Variants in SBF1 observed in about 807,000 individuals in gnomAD.
SBF1 encodes the protein myotubularin-related protein 5.
SBF1 carries 65 observed loss-of-function variants against 215.8 expected under a neutral mutation model. The observed-to-expected ratio is 0.30, with a 90% CI of 0.25 to 0.37. The LOEUF is 0.37. SBF1 is among the 10% of genes least tolerant of loss of function. The probability of loss-of-function intolerance (pLI) is 1.00; values close to 1 mark genes in which losing one functional copy is unlikely to be tolerated. For synonymous variants in SBF1, 1,410 were observed against 1,122.8 expected (o/e 1.26, Z -5.11); for missense variants, 2,634 against 2,667.8 (o/e 0.99, Z 0.28).
At chr22:50,473,933 G>A (rs953720847) in intron 1 of SBF1, among the ~76,000 whole-genome samples, 1 of 152,238 alleles carries the variant, frequency 6.6e-6, no homozygotes. Context: ...GGGCTGCTGG[G>A]AGGAAGAGGT....
chr22:50,460,046 G>C lies in SBF1; in HGVS notation c.3397C>G (p.Leu1133Val), dbSNP rs753172401. Residue 1133 changes from leucine to valine, a missense_variant, in exon 26 of 41, where the codon CTC becomes GTC. Coordinates refer to ENST00000380817, the MANE Select transcript of SBF1 (RefSeq NM_002972.4). ...CTGCTGCTCAGGGTGCCCAGACCGAGGCGCTGGTAGTCGCGACAGCAAGCC... is the reference window on the plus strand; with the variant it reads ...CTGCTGCTCAGGGTGCCCAGACCGACGCGCTGGTAGTCGCGACAGCAAGCC... Reference protein sequence around the residue: ...ERACCRDYQRLGLGTLSSSLS... With the variant: ...ERACCRDYQRVGLGTLSSSLS... 1 of 1,613,890 alleles carries C rather than the reference G, an allele frequency of 6.2e-7. No homozygotes were observed. The highest frequency in any genetic ancestry group is 2.2e-5 in the East Asian group (1 of 44,890).
Position 50,465,017 on chromosome 22 carries a change from G to A in SBF1, c.1316C>T (p.Thr439Met), listed in dbSNP as rs536887912. The A allele has an allele frequency of 5.0e-5, 81 of 1,613,986 alleles. No homozygotes were observed. The African/African-American group carries it at 6.4e-4, about 13-fold the overall frequency. ...VSERGVPYRP[T>M]DLFDELVAHE... is the part of the protein sequence containing the mutation. ...GAGGTGCACCTCATCGAACAGGTCC[G>A]TAGGGCGGTATGGGACCCCACGCTC... is the stretch of plus-strand genomic sequence containing the variant. Residue 439 changes from threonine to methionine, a missense_variant, in exon 12 of 41, where the codon ACG becomes ATG. By Grantham distance (81) the Thr-to-Met change is moderately conservative. Coordinates refer to ENST00000380817, the MANE Select transcript of SBF1 (RefSeq NM_002972.4).
Position 50,447,165 on chromosome 22 carries a change from G to C in SBF1, c.5659C>G (p.Gln1887Glu), listed in dbSNP as rs750259194. 1 of 1,612,962 alleles carries C rather than the reference G, an allele frequency of 6.2e-7. No individual in the cohort carries two copies. Among genetic ancestry groups the C allele is most frequent in the South Asian group, 1.1e-5 (1 of 91,044 alleles). Residue 1887 changes from glutamine (Q) to glutamate (E), a missense_variant, in exon 41 of 41, where the codon CAG becomes GAG. Physicochemically the swap from Gln to Glu is conservative, Grantham distance 29. Coordinates refer to ENST00000380817, the MANE Select transcript of SBF1 (RefSeq NM_002972.4). ...GCTCAGGCGTCCGACAGGCAGCTCT[G>C]GATCCGGTCCACCCACTGCTGGGCC... ...PSAQQWVDRI[Q>E]SCLSDA
In SBF1 at chr22:50,465,842, T is replaced by C; in HGVS notation, c.1012-2A>G. ...CAACTCCAGCTCCGGGTCCAGGACCTGCCAGCACAGAATGGAGCAGGCAGC... is the reference window on the plus strand; with the variant it reads ...CAACTCCAGCTCCGGGTCCAGGACCCGCCAGCACAGAATGGAGCAGGCAGC... On this transcript the variant is annotated splice_acceptor_variant, in intron 9 of 40. Coordinates refer to ENST00000380817, the MANE Select transcript of SBF1 (RefSeq NM_002972.4). LOFTEE classifies it high-confidence loss of function. 6.2e-7 allele frequency: 1 copy of C among 1,613,180 alleles called. No individual in the cohort carries two copies. Among genetic ancestry groups the C allele is most frequent in the Non-Finnish European group, 8.5e-7 (1 of 1,179,788 alleles).
Position 50,466,078 on chromosome 22 carries a change from C to G in SBF1, c.898-4G>C. 1.2e-6 allele frequency: 2 copies of G among 1,613,492 alleles called. No individual in the cohort carries two copies. The highest frequency in any genetic ancestry group is 1.7e-6 in the Non-Finnish European group (2 of 1,179,938). ...GATCAGCAACAATCACATCGAGCTG[C>G]GGACCAAGGGAGCCGGCAGTCAGGG... On this transcript the variant is annotated splice_polypyrimidine_tract_variant and splice_region_variant and intron_variant, in intron 8 of 40. Transcript: ENST00000380817.
chr22:50,459,505 A>G lies in SBF1; in HGVS notation c.3653T>C (p.Val1218Ala). 6.2e-7 allele frequency: 1 copy of G among 1,610,188 alleles called. No individual in the cohort carries two copies. The highest frequency in any genetic ancestry group is 1.3e-5 in the African/African-American group (1 of 75,030). Residue 1218 changes from valine (V) to alanine (A), a missense_variant, in exon 27 of 41, where the codon GTC becomes GCC. Coordinates refer to ENST00000380817, the MANE Select transcript of SBF1 (RefSeq NM_002972.4). ...RSGGLHGKGV[V>A]GLFKAQNAPS... ...TGCGTTCTGGGCCTTGAAGAGGCCG[A>G]CGACACCTTTGCCATGCAGGCCTCC...
rs538648060 is a variant in SBF1 at position 50,471,412 on chromosome 22, G to A, written c.56-2951C>T. 2.1e-3 allele frequency among the ~76,000 whole-genome samples: 324 copies of A among 152,298 alleles called. 2 individuals are homozygous for A. The highest frequency in any genetic ancestry group is 7.6e-3 in the African/African-American group (316 of 41,560). On this transcript the variant is annotated intron_variant, in intron 1 of 40. Transcript: ENST00000380817. ...CCCATCATCAGTGCCAGGCTCTGAC[G>A]CCTGGAGGGCTGGCCCAGGCCAGCG...
intron 28 of SBF1, among the ~76,000 whole-genome samples, chr22:50,457,741 G>A (rs2148577888): frequency 6.6e-6 from 1 of 152,362 alleles, no homozygotes; most frequent in South Asian, 2.1e-4. Flanking sequence ...GCAGCCCAAA[G>A]GGCTGGGAGA....
rs549633511 is a variant in SBF1 at position 50,447,106 on chromosome 22, G to C, written c.*36C>G. On this transcript the variant is annotated 3_prime_UTR_variant, in exon 41 of 41. Transcript: ENST00000380817. ...CTGCCCACCCCTAGTGGTCGGTAAC[G>C]ACCGGAAGCAGAGCAGCCGGGCAGG... The C allele has an allele frequency of 5.7e-6, 9 of 1,578,334 alleles. No individual in the cohort carries two copies. The East Asian group carries it at 2.1e-4, about 36-fold the overall frequency.
At chr22:50,452,365 G>A (rs945669015) in intron 36 of SBF1, among the ~76,000 whole-genome samples, 2 of 152,094 alleles carry the variant, frequency 1.3e-5, no homozygotes, top group Admixed American at 6.6e-5. Flanking sequence ...GTTATAAATG[G>A]CAAAAATAGA....
At chr22:50,470,506 C>A (rs560929414) in intron 1 of SBF1, among the ~76,000 whole-genome samples, 9 of 152,284 alleles carry the variant, frequency 5.9e-5, no homozygotes, top group Non-Finnish European at 1.2e-4. Context: ...GTGGGCCAGG[C>A]CAAGCAGGCA....
intron 36 of SBF1, among the ~76,000 whole-genome samples, chr22:50,451,307 T>C: frequency 6.6e-6 from 1 of 151,956 alleles, no homozygotes; most frequent in Non-Finnish European, 1.5e-5. Context: ...ACTGTGCCAC[T>C]GCACTCCAGC....
chr22:50,461,491 G>A (rs766075458), intron 22 of SBF1, 32 bp downstream of exon 22: 1 of 1,562,568 alleles, frequency 6.4e-7, no homozygotes, highest in East Asian at 2.3e-5. Flanking sequence ...GGGGGAGAGG[G>A]GGCGACAGGG....
At chr22:50,450,234 C>G (rs2066994380) in intron 36 of SBF1, among the ~76,000 whole-genome samples, 1 of 152,166 alleles carries the variant, frequency 6.6e-6, no homozygotes, top group Admixed American at 6.5e-5. Flanking sequence ...GAAGCTATGA[C>G]CTGACGCCGG....
rs1159857139 is a variant in SBF1 at position 50,456,585 on chromosome 22, G to A, written c.3993C>T (p.Ala1331=). 1.3e-6 allele frequency: 2 copies of A among 1,553,868 alleles called. No homozygotes were observed. Among genetic ancestry groups the A allele is most frequent in the Non-Finnish European group, 1.7e-6 (2 of 1,152,012 alleles). ...GAGGGCCCCCGTTGGCCTGGGGTGG[G>A]GCCAGCGCGTCTCTGCCAGCTAGCC... ...GSRLAGRDAL[A]PPQANGGPPD... The change falls in exon 30 of 41, where the codon GCC becomes GCT. Residue 1331 remains alanine (A), a synonymous_variant. Coordinates refer to ENST00000380817, the MANE Select transcript of SBF1 (RefSeq NM_002972.4).
chr22:50,447,350 T>C lies in SBF1; in HGVS notation c.5555A>G (p.Lys1852Arg), dbSNP rs778343854. The C allele has an allele frequency of 2.3e-5, 37 of 1,613,914 alleles. No homozygotes were observed. Among genetic ancestry groups the C allele is most frequent in the Non-Finnish European group, 1.5e-5 (18 of 1,179,974 alleles). The change falls in exon 40 of 41, where the codon AAG becomes AGG. Residue 1852 changes from lysine to arginine, a missense_variant. By Grantham distance (26) the Lys-to-Arg change is conservative. Coordinates refer to ENST00000380817, the MANE Select transcript of SBF1 (RefSeq NM_002972.4). ...APGTPTMGAP[K>R]TVDEKAFFDV... ...AAAGAAGGCCTTCTCGTCCACAGTCTTAGGGGCACCCATAGTGGGCGTGCC... is the reference window on the plus strand; with the variant it reads ...AAAGAAGGCCTTCTCGTCCACAGTCCTAGGGGCACCCATAGTGGGCGTGCC...
intron 1 of SBF1, among the ~76,000 whole-genome samples, chr22:50,473,253 G>A (rs968284902): frequency 3.9e-5 from 6 of 152,016 alleles, no homozygotes; most frequent in Admixed American, 3.3e-4. Flanking sequence ...TGTAGCCCCC[G>A]CCCCAGCCCT....
In SBF1 at chr22:50,462,091, C is replaced by T; in HGVS notation, c.2425G>A (p.Asp809Asn). The T allele has an allele frequency of 6.2e-7, 1 of 1,613,946 alleles. No homozygotes were observed. The highest frequency in any genetic ancestry group is 8.5e-7 in the Non-Finnish European group (1 of 1,180,034). ...GCATCCTCGAAGCCGCTCTCCGTGT[C>T]ATAGCTCTCGGCCACACTGCCAGCC... ...SMAGSVAESYDTESGFEDAET... is the reference protein window; with the variant it reads ...SMAGSVAESYNTESGFEDAET... Residue 809 changes from aspartate to asparagine, a missense_variant, in exon 20 of 41, where the codon GAC becomes AAC. Transcript: ENST00000380817.
At position 50,466,011 on chromosome 22, in the gene SBF1, G is replaced by A; in HGVS notation, c.961C>T (p.Pro321Ser). 2 of 1,614,002 alleles carry A rather than the reference G, an allele frequency of 1.2e-6. No individual in the cohort carries two copies. The highest frequency in any genetic ancestry group is 1.1e-5 in the South Asian group (1 of 91,088). ...CTCTGCAGTGGCTCTGGCAAGGGTG[G>A]AATGTGCACACACTCAGGAATGGTG... ...TVTIPECVHI[P>S]PLPEPLQSQT... Residue 321 changes from proline to serine, a missense_variant, in exon 9 of 41, where the codon CCA becomes TCA. By Grantham distance (74) the Pro-to-Ser change is moderately conservative. Coordinates refer to ENST00000380817, the MANE Select transcript of SBF1 (RefSeq NM_002972.4).
Sources: allele counts gnomAD v4.1 joint callset (sites outside exome capture counted in the v4.1 genomes callset), GRCh38; gene constraint gnomAD v4.1.1; transcripts MANE v1.5; gene names NCBI Gene and HGNC (gene_info 2026-07-23, HGNC 2026-07-21).